The following IPCEF1 variants were observed in gnomAD, a reference collection of about 807,000 sequenced individuals.
IPCEF1 encodes interaction protein for cytohesin exchange factors 1.
A neutral mutation model predicts 50.9 loss-of-function variants in IPCEF1; 31 were observed. The observed-to-expected ratio is 0.61, with a 90% CI of 0.46 to 0.82. The LOEUF (loss-of-function observed/expected upper bound fraction) is 0.82. IPCEF1 is among the 40% of genes least tolerant of loss of function. The probability of loss-of-function intolerance (pLI) is 0.00; values close to 1 mark genes in which losing one functional copy is unlikely to be tolerated. For synonymous variants in IPCEF1, 181 were observed against 192.0 expected (o/e 0.94, Z 0.47); for missense variants, 458 against 514.0 (o/e 0.89, Z 1.05).
chr6:154,228,392 C>T (rs573505974), intron 5 of IPCEF1, among the ~76,000 whole-genome samples: 1 of 152,262 alleles, frequency 6.6e-6, no homozygotes, highest in South Asian at 2.1e-4. Context: ...ACTTGTTCTC[C>T]TGCCAGAGGT....
chr6:154,238,414 C>T (rs1780309754), intron 5 of IPCEF1, among the ~76,000 whole-genome samples: 1 of 151,996 alleles, frequency 6.6e-6, no homozygotes, highest in Non-Finnish European at 1.5e-5. Context: ...CACCACCATA[C>T]TGGGCTAATT....
At chr6:154,325,044 A>G (rs1583990574) in intron 1 of IPCEF1, among the ~76,000 whole-genome samples, 1 of 152,214 alleles carries the variant, frequency 6.6e-6, no homozygotes, top group East Asian at 1.9e-4. Context: ...ATAGAAAAAC[A>G]GGCACAAAGC....
intron 3 of IPCEF1, among the ~76,000 whole-genome samples, chr6:154,264,870 T>TAACTC (rs10699680): frequency 0.026 from 3,955 of 152,220 alleles, 174 homozygotes; most frequent in African/African-American, 0.09. Context: ...GCTGTCTAGT[T>TAACTC]AACTCAGATT....
chr6:154,248,910 A>G (rs564869669), intron 3 of IPCEF1, among the ~76,000 whole-genome samples: 11 of 152,284 alleles, frequency 7.2e-5, no homozygotes, highest in African/African-American at 2.6e-4. Context: ...TATCTAATAA[A>G]CAGAAAAAAA....
At chr6:154,298,574 G>A (rs531625675) in intron 1 of IPCEF1, among the ~76,000 whole-genome samples, 1 of 152,272 alleles carries the variant, frequency 6.6e-6, no homozygotes, top group Admixed American at 6.5e-5. Flanking sequence ...CAAACCCAAA[G>A]AAAGCAAAGA....
intron 8 of IPCEF1, 138 bp downstream of exon 8, chr6:154,214,080 A>G: frequency 4.5e-6 from 3 of 665,278 alleles, no homozygotes; most frequent in Non-Finnish European, 8.2e-6. Flanking sequence ...GTCTCCACAT[A>G]TTTTCAGATC....
chr6:154,320,355 C>A (rs749583258), intron 1 of IPCEF1, among the ~76,000 whole-genome samples: 94 of 152,122 alleles, frequency 6.2e-4, no homozygotes, highest in Non-Finnish European at 9.8e-4. Flanking sequence ...TACTTCACAG[C>A]TCATTTCACT....
At chr6:154,302,914 A>G (rs1583966836) in intron 1 of IPCEF1, among the ~76,000 whole-genome samples, 1 of 152,136 alleles carries the variant, frequency 6.6e-6, no homozygotes, top group African/African-American at 2.4e-5. Context: ...CTTATTTCTT[A>G]TCCTTTCCCA....
chr6:154,310,015 C>T (rs573324971), intron 1 of IPCEF1, among the ~76,000 whole-genome samples: 66 of 152,296 alleles, frequency 4.3e-4, no homozygotes, highest in Non-Finnish European at 8.2e-4. Context: ...CCACCCACCT[C>T]GGCCTCCCAA....
intron 11 of IPCEF1, among the ~76,000 whole-genome samples, chr6:154,166,156 G>C (rs1240718385): frequency 3.9e-5 from 6 of 152,218 alleles, no homozygotes. Context: ...TAAGCTTTGG[G>C]ATAATTTGTT....
intron 2 of IPCEF1, among the ~76,000 whole-genome samples, chr6:154,282,984 C>T (rs1026871977): frequency 2.0e-5 from 3 of 152,010 alleles, no homozygotes; most frequent in Admixed American, 1.3e-4. Flanking sequence ...ATACTCAATC[C>T]CACAAATTTT....
chr6:154,346,407 T>C (rs1784030188), intron 1 of IPCEF1, among the ~76,000 whole-genome samples: 1 of 152,304 alleles, frequency 6.6e-6, no homozygotes, highest in South Asian at 2.1e-4. Context: ...ATTCAAAGTG[T>C]TTGCCTAAAG....
chr6:154,205,907 T>G (rs1009437045), intron 9 of IPCEF1, among the ~76,000 whole-genome samples: 32 of 152,094 alleles, frequency 2.1e-4, no homozygotes, highest in African/African-American at 7.7e-4. Context: ...AGCAGACCCT[T>G]CGGAAACTCA....
intron 1 of IPCEF1, among the ~76,000 whole-genome samples, chr6:154,309,411 G>A (rs552869917): frequency 6.6e-6 from 1 of 152,224 alleles, no homozygotes; most frequent in South Asian, 2.1e-4. Context: ...CCCAACCGAT[G>A]GAAGAAACCA....
chr6:154,194,994 A>AT (rs1776469083), intron 10 of IPCEF1, among the ~76,000 whole-genome samples: 1 of 152,102 alleles, frequency 6.6e-6, no homozygotes, highest in Non-Finnish European at 1.5e-5. Context: ...CTTCACCCTG[A>AT]TAGGCATGCT....
chr6:154,271,535 A>G (rs552159884), intron 2 of IPCEF1, among the ~76,000 whole-genome samples: 2 of 152,340 alleles, frequency 1.3e-5, no homozygotes, highest in South Asian at 2.1e-4. Context: ...ACTTTTATAC[A>G]GAAGTATAAC....
chr6:154,210,293 TA>T (rs1244166780), intron 9 of IPCEF1, among the ~76,000 whole-genome samples: 2 of 152,112 alleles, frequency 1.3e-5, no homozygotes, highest in Non-Finnish European at 2.9e-5. Flanking sequence ...ATTTTACAAC[TA>T]AATAATCATA....
At chr6:154,202,351 T>C (rs1296711242) in intron 9 of IPCEF1, among the ~76,000 whole-genome samples, 1 of 152,102 alleles carries the variant, frequency 6.6e-6, no homozygotes, top group Non-Finnish European at 1.5e-5. Context: ...ATAATTTCAA[T>C]AAAACCCTAG....
chr6:154,166,925 A>G (rs755766015), intron 11 of IPCEF1, among the ~76,000 whole-genome samples: 2 of 152,150 alleles, frequency 1.3e-5, no homozygotes, highest in Admixed American at 6.5e-5. Flanking sequence ...ATTTCTCTGC[A>G]TTTGTATTAT....
Sources: allele counts gnomAD v4.1 joint callset (sites outside exome capture counted in the v4.1 genomes callset), GRCh38; gene constraint gnomAD v4.1.1; transcripts MANE v1.5; gene names NCBI Gene and HGNC (gene_info 2026-07-23, HGNC 2026-07-21).